EFNA5: variants seen among roughly 807,000 people sequenced by gnomAD.
The protein encoded by EFNA5 is ephrin-A5.
EFNA5 carries 5 observed loss-of-function variants against 22.9 expected under a neutral mutation model. The ratio of observed to expected loss-of-function variants is 0.22; its 90% CI spans 0.11 to 0.46. The LOEUF is 0.46. Among genes scored for constraint, EFNA5 ranks in the 20% least tolerant of loss-of-function variants. The pLI, the probability that EFNA5 is intolerant of heterozygous loss-of-function variation, is 0.99. For synonymous variants in EFNA5, 113 were observed against 112.2 expected, an observed-to-expected ratio of 1.01 and a Z score of -0.04; for missense variants, 237 against 293.3, an observed-to-expected ratio of 0.81 and a Z score of 1.40.
chr5:107,445,088 T>C (rs559009831), intron 1 of EFNA5, among the ~76,000 whole-genome samples: 2 of 152,306 alleles, frequency 1.3e-5, no homozygotes, highest in East Asian at 3.9e-4. Flanking sequence ...AGTGGTGTGA[T>C]TTCGGCTCAC....
intron 1 of EFNA5, among the ~76,000 whole-genome samples, chr5:107,528,347 C>T (rs988134739): frequency 6.6e-6 from 1 of 152,040 alleles, no homozygotes; most frequent in South Asian, 2.1e-4. Flanking sequence ...GCTACAGACA[C>T]AGCTTATTTG....
chr5:107,412,382 GGA>G (rs1335651055), intron 2 of EFNA5, among the ~76,000 whole-genome samples: 1 of 152,088 alleles, frequency 6.6e-6, no homozygotes, highest in African/African-American at 2.4e-5. Context: ...AGCAGGTGGG[GGA>G]GAGAGAGAAA....
At chr5:107,579,530 TAAAAAGA>T (rs1196875253) in intron 1 of EFNA5, among the ~76,000 whole-genome samples, 4 of 150,116 alleles carry the variant, frequency 2.7e-5, no homozygotes, top group African/African-American at 9.8e-5. Context: ...GACCCAGTCT[TAAAAAGA>T]AAAAAGAAAA....
intron 1 of EFNA5, among the ~76,000 whole-genome samples, chr5:107,490,847 A>T (rs1453642914): frequency 6.6e-6 from 1 of 152,226 alleles, no homozygotes; most frequent in Non-Finnish European, 1.5e-5. Context: ...ATACTCTAAC[A>T]GGACATGATC....
intron 1 of EFNA5, among the ~76,000 whole-genome samples, chr5:107,596,914 G>A (rs1398923666): frequency 6.6e-6 from 1 of 152,118 alleles, no homozygotes; most frequent in African/African-American, 2.4e-5. Flanking sequence ...AAAGTCAGTT[G>A]ACAAAAATTG....
chr5:107,516,413 C>A (rs1048201416), intron 1 of EFNA5, among the ~76,000 whole-genome samples: 2 of 151,908 alleles, frequency 1.3e-5, no homozygotes, highest in African/African-American at 4.8e-5. Flanking sequence ...AAAAGAAAAA[C>A]CTCTATGAAA....
At chr5:107,627,549 C>A (rs1750166996) in intron 1 of EFNA5, among the ~76,000 whole-genome samples, 2 of 149,524 alleles carry the variant, frequency 1.3e-5, no homozygotes, top group South Asian at 4.2e-4. Context: ...AGCTGGAGGA[C>A]TGCTTGAGCC....
intron 1 of EFNA5, among the ~76,000 whole-genome samples, chr5:107,512,794 A>G (rs945114224): frequency 1.3e-5 from 2 of 152,050 alleles, no homozygotes; most frequent in Admixed American, 6.6e-5. Flanking sequence ...CAGGTAGTTC[A>G]TTGTGCACTA....
intron 1 of EFNA5, among the ~76,000 whole-genome samples, chr5:107,556,964 A>G (rs1748434978): frequency 6.6e-6 from 1 of 151,930 alleles, no homozygotes; most frequent in Admixed American, 6.6e-5. Flanking sequence ...CCTCCAGCAC[A>G]TCTTACCTGC....
intron 1 of EFNA5, among the ~76,000 whole-genome samples, chr5:107,667,877 G>A (rs1751110468): frequency 6.6e-6 from 1 of 152,072 alleles, no homozygotes; most frequent in Admixed American, 6.6e-5. Context: ...TAAACCCGTG[G>A]AAATTTTCTG....
intron 1 of EFNA5, among the ~76,000 whole-genome samples, chr5:107,644,264 G>C (rs1750585396): frequency 6.6e-6 from 1 of 151,988 alleles, no homozygotes; most frequent in Admixed American, 6.6e-5. Context: ...TAGTCACCTT[G>C]GCTCAGATTC....
At chr5:107,569,423 ATG>A (rs1425289173) in intron 1 of EFNA5, among the ~76,000 whole-genome samples, 4 of 144,320 alleles carry the variant, frequency 2.8e-5, no homozygotes, top group African/African-American at 7.6e-5. Context: ...ATTTATGTAT[ATG>A]TGTGTATATA....
In EFNA5 at chr5:107,387,787, A is replaced by G. The variant is rs1447924105; in HGVS notation, c.419-16T>C. ...ATTGCAGAGGCTGTGGGTAACACAG[A>G]GAGAGAGCAGGAAAGAAAGAAGAGA... On this transcript the variant is annotated splice_polypyrimidine_tract_variant and intron_variant, in intron 2 of 4. Coordinates refer to ENST00000333274, the MANE Select transcript of EFNA5 (RefSeq NM_001962.3). 1.1e-5 allele frequency: 18 copies of G among 1,576,232 alleles called. No homozygotes were observed. The highest frequency in any genetic ancestry group is 1.5e-5 in the Non-Finnish European group (17 of 1,150,454).
chr5:107,429,993 G>A (rs564839298), intron 1 of EFNA5, among the ~76,000 whole-genome samples: 1 of 152,134 alleles, frequency 6.6e-6, no homozygotes, highest in Non-Finnish European at 1.5e-5. Flanking sequence ...TTACACAAGA[G>A]AAATAAGGAC....
At chr5:107,670,468 C>G in intron 1 of EFNA5, 21 bp downstream of exon 1, 2 of 1,550,794 alleles carry the variant, frequency 1.3e-6, no homozygotes, top group Non-Finnish European at 1.7e-6. Context: ...AGCCCTGGCT[C>G]TCCGCCTGTT....
intron 2 of EFNA5, among the ~76,000 whole-genome samples, chr5:107,409,561 T>C (rs1748306202): frequency 6.6e-6 from 1 of 152,216 alleles, no homozygotes; most frequent in South Asian, 2.1e-4. Flanking sequence ...TATGTATTAG[T>C]GAGTGCCTGT....
chr5:107,556,985 C>CCGGT (rs1024916409), intron 1 of EFNA5, among the ~76,000 whole-genome samples: 1 of 151,688 alleles, frequency 6.6e-6, no homozygotes, highest in Non-Finnish European at 1.5e-5. Context: ...CCTAAATGAC[C>CCGGT]CGGTATGTGG....
At chr5:107,499,888 G>A (rs936515412) in intron 1 of EFNA5, among the ~76,000 whole-genome samples, 1 of 152,176 alleles carries the variant, frequency 6.6e-6, no homozygotes, top group African/African-American at 2.4e-5. Flanking sequence ...CATGGAGACT[G>A]TAAAGCTAGC....
chr5:107,394,671 A>G (rs1186754740), intron 2 of EFNA5, among the ~76,000 whole-genome samples: 4 of 152,184 alleles, frequency 2.6e-5, no homozygotes, highest in African/African-American at 9.6e-5. Flanking sequence ...TGCCCCCTTA[A>G]GGCAAAGTTC....
Sources: allele counts gnomAD v4.1 joint callset (sites outside exome capture counted in the v4.1 genomes callset), GRCh38; gene constraint gnomAD v4.1.1; transcripts MANE v1.5; gene names NCBI Gene and HGNC (gene_info 2026-07-23, HGNC 2026-07-21).